SEMA5A: variants seen among roughly 807,000 people sequenced by gnomAD.
SEMA5A encodes the protein semaphorin-5A.
In SEMA5A, 55 loss-of-function variants were observed where a neutral mutation model predicts 135.5. That is an observed-to-expected ratio of 0.41 (90% CI 0.33 to 0.51). The LOEUF is 0.51. Ranked by LOEUF, SEMA5A falls within the 20% of genes least tolerant of loss-of-function variation. SEMA5A has a pLI of 0.37. For synonymous variants in SEMA5A, 580 were observed against 546.5 expected (o/e 1.06, Z -0.85); for missense variants, 1,290 against 1,419.9 (o/e 0.91, Z 1.47).
chr5:9,372,010 C>T (rs1055448948), intron 3 of SEMA5A, among the ~76,000 whole-genome samples: 3 of 152,154 alleles, frequency 2.0e-5, no homozygotes, highest in African/African-American at 7.2e-5. Flanking sequence ...CTTAATTCCT[C>T]CTTGGAGAAA....
chr5:9,436,272 A>C (rs1429536680), intron 2 of SEMA5A, among the ~76,000 whole-genome samples: 3 of 152,228 alleles, frequency 2.0e-5, no homozygotes, highest in African/African-American at 7.2e-5. Flanking sequence ...AAGCAAGCCA[A>C]CACAGGCTCC....
intron 1 of SEMA5A, among the ~76,000 whole-genome samples, chr5:9,472,906 AG>A (rs1759527172): frequency 6.6e-6 from 1 of 150,478 alleles, no homozygotes; most frequent in African/African-American, 2.4e-5. Flanking sequence ...AGTTATGTAT[AG>A]GATATATTTC....
At chr5:9,344,178 C>T (rs560761958) in intron 3 of SEMA5A, among the ~76,000 whole-genome samples, 2 of 152,300 alleles carry the variant, frequency 1.3e-5, no homozygotes, top group South Asian at 4.1e-4. Flanking sequence ...GATACTTTTA[C>T]ATATTAACTA....
intron 4 of SEMA5A, among the ~76,000 whole-genome samples, chr5:9,325,492 G>T (rs1366958459): frequency 6.6e-6 from 1 of 151,808 alleles, no homozygotes; most frequent in East Asian, 1.9e-4. Flanking sequence ...ACTGACTCTA[G>T]GATTGAATAA....
chr5:9,108,166 C>T lies in SEMA5A; in HGVS notation c.2047G>A (p.Gly683Arg). 6.2e-7 allele frequency: 1 copy of T among 1,614,132 alleles called. No individual in the cohort carries two copies. Among genetic ancestry groups the T allele is most frequent in the Non-Finnish European group, 8.5e-7 (1 of 1,180,002 alleles). ...ACATTGCAGCCTGCACAGTCAGGCCCATTCTCACAGATCCTGCGGCGAGCT... is the reference window on the plus strand; with the variant it reads ...ACATTGCAGCCTGCACAGTCAGGCCTATTCTCACAGATCCTGCGGCGAGCT... ...IQARRRICEN[G>R]PDCAGCNVEY... The change falls in exon 16 of 23, where the codon GGG becomes AGG. Residue 683 changes from glycine (G) to arginine (R), a missense_variant. Gly to Arg is a moderately radical substitution (Grantham distance 125). Transcript: ENST00000382496.
At chr5:9,388,304 CTCCAGAT>C (rs1187054647) in intron 2 of SEMA5A, among the ~76,000 whole-genome samples, 1 of 152,126 alleles carries the variant, frequency 6.6e-6, no homozygotes, top group Non-Finnish European at 1.5e-5. Context: ...CCTTGTTTAG[CTCCAGAT>C]CGCCTGGAGG....
intron 2 of SEMA5A, among the ~76,000 whole-genome samples, chr5:9,415,042 C>G (rs986423300): frequency 4.6e-5 from 7 of 152,160 alleles, no homozygotes; most frequent in Non-Finnish European, 1.0e-4. Context: ...AAAGATCAAT[C>G]TACTTGACAC....
intron 12 of SEMA5A, among the ~76,000 whole-genome samples, chr5:9,145,987 C>T: frequency 6.6e-6 from 1 of 152,024 alleles, no homozygotes; most frequent in African/African-American, 2.4e-5. Flanking sequence ...AGTTGTGTTT[C>T]TCAACTGAAG....
chr5:9,055,521 T>C (rs935351219), intron 18 of SEMA5A, among the ~76,000 whole-genome samples: 3 of 152,220 alleles, frequency 2.0e-5, no homozygotes, highest in Admixed American at 1.3e-4. Context: ...TTTTTTAATA[T>C]GCCTGTCATG....
chr5:9,068,434 G>A (rs1417486568), intron 16 of SEMA5A, among the ~76,000 whole-genome samples: 1 of 152,186 alleles, frequency 6.6e-6, no homozygotes, highest in Non-Finnish European at 1.5e-5. Flanking sequence ...GGATCTGGGA[G>A]CTGAGTGGAG....
intron 11 of SEMA5A, among the ~76,000 whole-genome samples, chr5:9,176,252 G>A (rs10039094): frequency 0.098 from 14,959 of 152,170 alleles, 1,216 homozygotes; most frequent in African/African-American, 0.2. Context: ...TTGAAGAAGG[G>A]TATGGGTGGA....
chr5:9,130,240 C>T (rs1741332888), intron 13 of SEMA5A, among the ~76,000 whole-genome samples: 3 of 152,174 alleles, frequency 2.0e-5, no homozygotes, highest in South Asian at 4.2e-4. Context: ...TTACTATATT[C>T]CAACCACTAT....
chr5:9,392,443 T>TA (rs571191626), intron 2 of SEMA5A, among the ~76,000 whole-genome samples: 304 of 152,332 alleles, frequency 2.0e-3, no homozygotes, highest in African/African-American at 7.1e-3. Context: ...GATACAGGTA[T>TA]ATTCAGTACC....
At chr5:9,165,683 C>T (rs1001969569) in intron 11 of SEMA5A, among the ~76,000 whole-genome samples, 2 of 152,204 alleles carry the variant, frequency 1.3e-5, no homozygotes, top group Non-Finnish European at 2.9e-5. Context: ...CCCAGAGTCA[C>T]TGCAGAGTAA....
At chr5:9,448,216 G>C (rs1758503655) in intron 1 of SEMA5A, among the ~76,000 whole-genome samples, 1 of 152,138 alleles carries the variant, frequency 6.6e-6, no homozygotes, top group Non-Finnish European at 1.5e-5. Context: ...ATATAGAAGA[G>C]AAACCATGAA....
intron 1 of SEMA5A, among the ~76,000 whole-genome samples, chr5:9,440,664 A>C (rs1758199188): frequency 6.6e-6 from 1 of 152,242 alleles, no homozygotes; most frequent in African/African-American, 2.4e-5. Flanking sequence ...AGATGGAACT[A>C]CATGAAGAAG....
chr5:9,385,794 CTTTTTTTTTT>C (rs5865830), intron 2 of SEMA5A, among the ~76,000 whole-genome samples: 2 of 109,988 alleles, frequency 1.8e-5, no homozygotes, highest in African/African-American at 3.6e-5. Flanking sequence ...TTGGAAAGCG[CTTTTTTTTTT>C]TTTTTTTTTT....
At chr5:9,199,207 G>T (rs1745573529) in intron 9 of SEMA5A, among the ~76,000 whole-genome samples, 1 of 152,178 alleles carries the variant, frequency 6.6e-6, no homozygotes, top group Admixed American at 6.5e-5. Flanking sequence ...GGGCTCTGGT[G>T]TCACCCAGAG....
At chr5:9,493,035 A>G (rs921510259) in intron 1 of SEMA5A, among the ~76,000 whole-genome samples, 1 of 152,112 alleles carries the variant, frequency 6.6e-6, no homozygotes, top group Non-Finnish European at 1.5e-5. Context: ...ATGATGTGCC[A>G]ATGTAGGTTG....
Sources: allele counts gnomAD v4.1 joint callset (sites outside exome capture counted in the v4.1 genomes callset), GRCh38; gene constraint gnomAD v4.1.1; transcripts MANE v1.5; gene names NCBI Gene and HGNC (gene_info 2026-07-23, HGNC 2026-07-21).